CACNA1H: variants seen among roughly 807,000 people sequenced by gnomAD.
CACNA1H encodes voltage-dependent T-type calcium channel subunit alpha-1H.
CACNA1H carries 149 observed loss-of-function variants against 192.5 expected under a neutral mutation model. That is an observed-to-expected ratio of 0.77 (90% confidence interval 0.68 to 0.89). The LOEUF (loss-of-function observed/expected upper bound fraction) is 0.89, where lower values mean the gene tolerates loss of function less well. CACNA1H is among the 40% of genes least tolerant of loss of function. The pLI, the probability that CACNA1H is intolerant of heterozygous loss-of-function variation, is 0.00. For missense variants in CACNA1H, 4,257 were observed against 3,423.5 expected (o/e 1.24, Z -6.08); for synonymous variants, 2,202 against 1,475.2 (o/e 1.49, Z -11.29).
chr16:1,198,909 G>A (rs1231276112), intron 6 of CACNA1H, 135 bp downstream of exon 6: 77 of 777,398 alleles, frequency 9.9e-5, no homozygotes, highest in South Asian at 5.6e-4. Flanking sequence ...TGCTGTCCCC[G>A]TCATGGCTCC....
At chr16:1,154,483 C>T (rs1232232981) in intron 2 of CACNA1H, among the ~76,000 whole-genome samples, 2 of 152,096 alleles carry the variant, frequency 1.3e-5, no homozygotes, top group African/African-American at 4.8e-5. Context: ...GAGTCAGGGG[C>T]GCAAAGTTTT....
At position 1,178,251 on chromosome 16, in the gene CACNA1H, C is replaced by T. The variant is rs149214150; in HGVS notation, c.300-16721C>T. ...CCCCCAACGGGCTCTCCTGCCCCGGCTCCTTGGATCCCTCCATGGTCCCTC... is the reference window on the plus strand; with the variant it reads ...CCCCCAACGGGCTCTCCTGCCCCGGTTCCTTGGATCCCTCCATGGTCCCTC... On this transcript the variant is annotated intron_variant, in intron 2 of 34. Transcript: ENST00000348261. Among the ~76,000 whole-genome samples the T allele has an allele frequency of 5.9e-3, 815 of 138,926 alleles. 13 individuals are homozygous for T. The highest frequency in any genetic ancestry group is 0.021 in the African/African-American group (766 of 36,388). The allele number at this position is 138,926 out of a possible 152,430, so 91.1% of individuals were successfully genotyped here. A position where few individuals can be genotyped will look rare whatever the true frequency, so the allele number is the denominator to read the frequency against.
chr16:1,205,661 G>A (rs1342844998), intron 11 of CACNA1H, among the ~76,000 whole-genome samples: 1 of 152,224 alleles, frequency 6.6e-6, no homozygotes, highest in Non-Finnish European at 1.5e-5. Context: ...AATTAAACCA[G>A]AAAGGATTGG....
intron 2 of CACNA1H, among the ~76,000 whole-genome samples, chr16:1,173,678 C>T (rs959495438): frequency 6.6e-5 from 10 of 152,216 alleles, no homozygotes; most frequent in African/African-American, 2.2e-4. Flanking sequence ...CCGGGAACGC[C>T]CGTCGGAGGG....
chr16:1,210,068 C>G lies in CACNA1H; in HGVS notation c.3778C>G (p.Pro1260Ala), dbSNP rs765647810. Reference protein sequence around the residue: ...CCLRLHKVLEPYKPQWCRSRE... With the variant: ...CCLRLHKVLEAYKPQWCRSRE... ...CCTCCGCCTGCATAAAGTGCTGGAGCCCTACAAGCCCCAGTGGTGCCGGAG... is the reference window on the plus strand; with the variant it reads ...CCTCCGCCTGCATAAAGTGCTGGAGGCCTACAAGCCCCAGTGGTGCCGGAG... The change falls in exon 18 of 35, where the codon CCC (proline) becomes GCC (alanine). Residue 1260 changes from proline to alanine, a missense_variant. Transcript: ENST00000348261. The G allele has an allele frequency of 3.9e-5, 61 of 1,556,090 alleles. 2 individuals carry two copies. The Admixed American group carries it at 1.1e-3, about 29-fold the overall frequency.
At chr16:1,217,565 G>A (rs993272175) in intron 31 of CACNA1H, among the ~76,000 whole-genome samples, 1 of 152,192 alleles carries the variant, frequency 6.6e-6, no homozygotes, top group South Asian at 2.1e-4. Context: ...TGGGTGTGGC[G>A]TTGCCACAGT....
chr16:1,182,929 C>T (rs1965617528), intron 2 of CACNA1H, among the ~76,000 whole-genome samples: 1 of 152,128 alleles, frequency 6.6e-6, no homozygotes, highest in Non-Finnish European at 1.5e-5. Flanking sequence ...GAGTCGGCCA[C>T]AGGGTCCATG....
At chr16:1,194,802 GGCT>G (rs1434306209) in intron 2 of CACNA1H, among the ~76,000 whole-genome samples, 167 bp from the exon 3 acceptor site, 1 of 152,164 alleles carries the variant, frequency 6.6e-6, no homozygotes, top group South Asian at 2.1e-4. Flanking sequence ...GCCACCTGGT[GGCT>G]GCTTTCAGGA....
At chr16:1,212,967 C>T (rs954795518) in intron 26 of CACNA1H, among the ~76,000 whole-genome samples, 2 of 152,240 alleles carry the variant, frequency 1.3e-5, no homozygotes. Flanking sequence ...CCAGCAGTCC[C>T]CACCCGTGTG....
intron 9 of CACNA1H, 87 bp from the exon 10 acceptor site, chr16:1,203,923 C>A: frequency 1.0e-6 from 1 of 970,114 alleles, no homozygotes; most frequent in Non-Finnish European, 1.5e-6. Context: ...GACACATTCA[C>A]CCCACCGCTC....
chr16:1,185,923 G>A (rs2488416), intron 2 of CACNA1H, among the ~76,000 whole-genome samples: 4 of 32,896 alleles, frequency 1.2e-4, no homozygotes, highest in Non-Finnish European at 2.4e-4. Context: ...CGTAGGGGCC[G>A]GAGGCGGGGT....
intron 12 of CACNA1H, 53 bp from the exon 13 acceptor site, chr16:1,206,948 C>A (rs1025807147): frequency 1.8e-4 from 73 of 409,902 alleles, no homozygotes; most frequent in Non-Finnish European, 2.9e-4. Flanking sequence ...CACCTTCTTC[C>A]GCTCAGCACA....
rs72552039 is a variant in CACNA1H at position 1,211,162 on chromosome 16, C to T, written c.4224-6C>T. Reference sequence around the variant, plus strand: ...TGACTGCAGTGTATCCTTCACTCCCCTCCAGGGTCATCAGCCGGGCCCCGG... The same window carrying T: ...TGACTGCAGTGTATCCTTCACTCCCTTCCAGGGTCATCAGCCGGGCCCCGG... On this transcript the variant is annotated splice_region_variant and splice_polypyrimidine_tract_variant and intron_variant, in intron 21 of 34. Transcript: ENST00000348261. 1,745 of 1,612,572 alleles carry T rather than the reference C, an allele frequency of 1.1e-3. 18 individuals are homozygous for T. The African/African-American group carries it at 0.019, about 17-fold the overall frequency.
At chr16:1,205,308 T>C (rs1968553622) in intron 11 of CACNA1H, 43 bp downstream of exon 11, 4 of 1,560,408 alleles carry the variant, frequency 2.6e-6, no homozygotes, top group Non-Finnish European at 3.5e-6. Context: ...CCCGGGAAGC[T>C]CCACTCTCTG....
Position 1,205,153 on chromosome 16 carries a change from G to A in CACNA1H, c.2491G>A (p.Val831Met), listed in dbSNP as rs119454949. ...LTNALEISNI[V>M]FTSMFALEML... The stretch of plus-strand genomic sequence containing the variant: ...TAATGCTCTGGAGATCAGCAACATC[G>A]TGTTCACCAGCATGTTTGCCCTGGA... The change falls in exon 11 of 35, where the codon GTG (valine) becomes ATG (methionine). Residue 831 changes from valine (V) to methionine (M), a missense_variant. Physicochemically the swap from Val to Met is conservative, Grantham distance 21. Transcript: ENST00000348261. The A allele has an allele frequency of 1.7e-5, 27 of 1,612,730 alleles. No individual in the cohort carries two copies. Among genetic ancestry groups the A allele is most frequent in the East Asian group, 1.1e-4 (5 of 44,890 alleles).
At chr16:1,199,543 C>T (rs559715516) in intron 6 of CACNA1H, among the ~76,000 whole-genome samples, 1 of 150,340 alleles carries the variant, frequency 6.7e-6, no homozygotes, top group Non-Finnish European at 1.5e-5. Context: ...GCCCCCAAGA[C>T]AGGTTAGTCC....
At chr16:1,190,614 C>T (rs1275437928) in intron 2 of CACNA1H, among the ~76,000 whole-genome samples, 1 of 152,232 alleles carries the variant, frequency 6.6e-6, no homozygotes, top group Non-Finnish European at 1.5e-5. Context: ...AATACGCCTG[C>T]CTGTCACGTC....
chr16:1,173,294 A>G (rs1964546115), intron 2 of CACNA1H, among the ~76,000 whole-genome samples: 1 of 152,144 alleles, frequency 6.6e-6, no homozygotes, highest in Non-Finnish European at 1.5e-5. Context: ...GAGGCCCAGC[A>G]GGCAAAAGGT....
At chr16:1,207,929 C>T (rs770318071) in intron 15 of CACNA1H, 69 bp downstream of exon 15, 8 of 1,542,932 alleles carry the variant, frequency 5.2e-6, no homozygotes, top group Non-Finnish European at 6.2e-6. Context: ...GGCAGGGCCC[C>T]CATAAGGCAA....
Sources: allele counts gnomAD v4.1 joint callset (sites outside exome capture counted in the v4.1 genomes callset), GRCh38; gene constraint gnomAD v4.1.1; transcripts MANE v1.5; gene names NCBI Gene and HGNC (gene_info 2026-07-23, HGNC 2026-07-21).